SPRTN: variants seen among roughly 807,000 people sequenced by gnomAD.
The protein encoded by SPRTN is SprT-like N-terminal domain.
In SPRTN, 11 loss-of-function variants were observed where a neutral mutation model predicts 31.9. That is an observed-to-expected ratio of 0.34 (90% CI 0.22 to 0.57). The LOEUF (loss-of-function observed/expected upper bound fraction) is 0.57, where lower values mean the gene tolerates loss of function less well. Ranked by LOEUF, SPRTN falls within the 20% of genes least tolerant of loss-of-function variation. SPRTN has a pLI of 0.86. For synonymous variants in SPRTN, 185 were observed against 212.1 expected, an observed-to-expected ratio of 0.87 and a Z score of 1.11; for missense variants, 482 against 590.1, an observed-to-expected ratio of 0.82 and a Z score of 1.90.
At position 231,338,390 on chromosome 1, in the gene SPRTN, G is replaced by C. The variant is rs1686753223; in HGVS notation, c.7G>C (p.Asp3His). Residue 3 changes from aspartate to histidine, a missense_variant, in exon 1 of 5, where the codon GAT (aspartate) becomes CAT (histidine). Physicochemically the swap from Asp to His is moderately conservative, Grantham distance 81 (BLOSUM62 -1). This residue lies in a region of SPRTN where 157 missense variants were observed against 239.9 expected (regional missense o/e 0.65). Coordinates refer to ENST00000295050, the MANE Select transcript of SPRTN (RefSeq NM_032018.7). ...GCCTGTGATCCTGGCAACGATGGATGATGACTTGATGTTGGCACTGCGGCT... is the reference window on the plus strand; with the variant it reads ...GCCTGTGATCCTGGCAACGATGGATCATGACTTGATGTTGGCACTGCGGCT... MD[D>H]DLMLALRLQE... The C allele has an allele frequency of 6.2e-7, 1 of 1,614,098 alleles. No individual in the cohort carries two copies. Among genetic ancestry groups the C allele is most frequent in the Non-Finnish European group, 8.5e-7 (1 of 1,179,938 alleles).
In SPRTN at chr1:231,351,605, G is replaced by T; in HGVS notation, c.718+34G>T. On this transcript the variant is annotated intron_variant, in intron 4 of 4. Transcript: ENST00000295050. ...GTGTATATTCTTCTGATTTTTATGT[G>T]ACCATAGCTATGATGTAAAGACAAT... The T allele has an allele frequency of 3.1e-6, 5 of 1,607,120 alleles. No individual in the cohort carries two copies. In the South Asian group the frequency reaches 5.6e-5, roughly 18 times the overall value.
In SPRTN at chr1:231,347,839, A is replaced by G. The variant is rs1203921124; in HGVS notation, c.364A>G (p.Asn122Asp). ...GATACATGCCTATTTATTTGTCACT[A>G]ATAACGACAAAGACCGAGAAGGGCA... ...EMIHAYLFVTNNDKDREGHGP... is the reference protein window; with the variant it reads ...EMIHAYLFVTDNDKDREGHGP... Residue 122 changes from asparagine (N) to aspartate (D), a missense_variant, in exon 3 of 5, where the codon AAT becomes GAT. Physicochemically the swap from Asn to Asp is conservative, Grantham distance 23. This residue lies in a region of SPRTN where 157 missense variants were observed against 239.9 expected (regional missense o/e 0.65). Transcript: ENST00000295050. The G allele has an allele frequency of 1.2e-6, 2 of 1,613,684 alleles. No homozygotes were observed. The highest frequency in any genetic ancestry group is 1.7e-6 in the Non-Finnish European group (2 of 1,179,978).
Position 231,353,647 on chromosome 1 carries a change from A to G in SPRTN, c.*286A>G. On this transcript the variant is annotated 3_prime_UTR_variant, in exon 5 of 5. Coordinates refer to ENST00000295050, the MANE Select transcript of SPRTN (RefSeq NM_032018.7). Reference sequence around the variant, plus strand: ...GTTCTTTCTTGCTCTTAAGGATTTTAAAAACCTGTTAATCTTTTTATTTGT... The same window carrying G: ...GTTCTTTCTTGCTCTTAAGGATTTTGAAAACCTGTTAATCTTTTTATTTGT... 2 of 1,059,228 alleles carry G rather than the reference A, an allele frequency of 1.9e-6. No individual in the cohort carries two copies. Among genetic ancestry groups the G allele is most frequent in the Non-Finnish European group, 2.3e-6 (2 of 875,636 alleles). 65.6% of individuals were successfully genotyped at this position (1,059,228 alleles called of 1,614,324 possible). A position where few individuals can be genotyped will look rare whatever the true frequency, so the allele number is the denominator to read the frequency against.
chr1:231,351,633 T>G, intron 4 of SPRTN, 62 bp downstream of exon 4: 1 of 1,572,930 alleles, frequency 6.4e-7, no homozygotes, highest in East Asian at 2.2e-5. Context: ...AAGACAATAC[T>G]GTCCTTCAGA....
In SPRTN at chr1:231,354,276, C is replaced by A; in HGVS notation, c.*915C>A. On this transcript the variant is annotated 3_prime_UTR_variant, in exon 5 of 5. Transcript: ENST00000295050. ...TAATCTTTTTTAAAAAAAATATTTT[C>A]CATGTTATAGGGAAAGGACAAAGAG... is the stretch of plus-strand genomic sequence containing the variant. The A allele has an allele frequency of 1.0e-6, 1 of 977,168 alleles. No individual in the cohort carries two copies. Among genetic ancestry groups the A allele is most frequent in the Non-Finnish European group, 1.2e-6 (1 of 822,378 alleles). 60.5% of individuals were successfully genotyped at this position (977,168 alleles called of 1,614,324 possible).
chr1:231,345,448 C>T (rs937251902), intron 2 of SPRTN, among the ~76,000 whole-genome samples: 9 of 152,140 alleles, frequency 5.9e-5, no homozygotes, highest in Non-Finnish European at 1.2e-4. Context: ...TTCATTAATA[C>T]GCTCTATAGC....
intron 4 of SPRTN, chr1:231,351,896 G>C: frequency 2.0e-6 from 2 of 1,025,162 alleles, no homozygotes; most frequent in Non-Finnish European, 2.3e-6. Flanking sequence ...TCCCTATCTT[G>C]ACTCACTGAG....
At chr1:231,339,598 G>T (rs1344092221) in intron 1 of SPRTN, 171 bp from the exon 2 acceptor site, 4 of 794,526 alleles carry the variant, frequency 5.0e-6, no homozygotes, top group Non-Finnish European at 8.5e-6. Flanking sequence ...GGAGGCGCCC[G>T]CGGGGGTTGT....
At chr1:231,339,545 C>T in intron 1 of SPRTN, 1 of 733,646 alleles carries the variant, frequency 1.4e-6, no homozygotes, top group Non-Finnish European at 2.4e-6. Context: ...GGTGAGAGCA[C>T]GCTGCTTTCC....
chr1:231,354,684 T>G lies in SPRTN; in HGVS notation c.*1323T>G, dbSNP rs1687340799. ...AGTTCATTTTCATTGCTCTTGCATTTGTATGAATATACTAGAATTTATTCA... is the reference window on the plus strand; with the variant it reads ...AGTTCATTTTCATTGCTCTTGCATTGGTATGAATATACTAGAATTTATTCA... On this transcript the variant is annotated 3_prime_UTR_variant, in exon 5 of 5. Transcript: ENST00000295050. 1 of 152,482 alleles carries G rather than the reference T, an allele frequency of 6.6e-6. No individual in the cohort carries two copies. The highest frequency in any genetic ancestry group is 1.9e-4 in the East Asian group (1 of 5,204). The allele number at this position is 152,482 out of a possible 1,614,324, so 9.4% of individuals were successfully genotyped here.
Position 231,347,847 on chromosome 1 carries a change from C to A in SPRTN, c.372C>A (p.Asp124Glu). Reference sequence around the variant, plus strand: ...CCTATTTATTTGTCACTAATAACGACAAAGACCGAGAAGGGCATGGTCCAG... The same window carrying A: ...CCTATTTATTTGTCACTAATAACGAAAAAGACCGAGAAGGGCATGGTCCAG... ...IHAYLFVTNN[D>E]KDREGHGPEF... Residue 124 changes from aspartate (D) to glutamate (E), a missense_variant, in exon 3 of 5, where the codon GAC becomes GAA. Transcript: ENST00000295050. The A allele has an allele frequency of 6.2e-7, 1 of 1,613,816 alleles. No individual in the cohort carries two copies. The highest frequency in any genetic ancestry group is 1.7e-5 in the Admixed American group (1 of 59,952).
In SPRTN at chr1:231,339,805, A is replaced by G; in HGVS notation, c.258A>G (p.Gly86=). ...AGICSYEGKG[G]MCSIRLSEPL... ...TATGCAGCTATGAAGGGAAGGGTGGAATGTGTTCCATCCGTCTCAGCGAAC... is the reference window on the plus strand; with the variant it reads ...TATGCAGCTATGAAGGGAAGGGTGGGATGTGTTCCATCCGTCTCAGCGAAC... The change falls in exon 2 of 5, where the codon GGA becomes GGG. Residue 86 remains glycine, a synonymous_variant. Transcript: ENST00000295050. 6.2e-7 allele frequency: 1 copy of G among 1,614,124 alleles called. No homozygotes were observed. Among genetic ancestry groups the G allele is most frequent in the South Asian group, 1.1e-5 (1 of 91,090 alleles).
rs1177072624 is a variant in SPRTN at position 231,354,602 on chromosome 1, G to C, written c.*1241G>C. 1.3e-5 allele frequency: 2 copies of C among 155,924 alleles called. No individual in the cohort carries two copies. The highest frequency in any genetic ancestry group is 4.8e-5 in the African/African-American group (2 of 41,516). 9.7% of individuals were successfully genotyped at this position (155,924 alleles called of 1,614,324 possible). On this transcript the variant is annotated 3_prime_UTR_variant, in exon 5 of 5. Coordinates refer to ENST00000295050, the MANE Select transcript of SPRTN (RefSeq NM_032018.7). ...AGGTCCCCACTGTTTTCACCCCATC[G>C]TCGCAGATTATTTTTTAATTTTATA...
In SPRTN at chr1:231,354,243, A is replaced by AT. The variant is rs1687326460; in HGVS notation, c.*886dup. 2 of 975,264 alleles carry AT rather than the reference A, an allele frequency of 2.1e-6. No individual in the cohort carries two copies. Among genetic ancestry groups the AT allele is most frequent in the Non-Finnish European group, 2.4e-6 (2 of 820,810 alleles). 60.4% of individuals were successfully genotyped at this position (975,264 alleles called of 1,614,324 possible). Reference sequence around the variant, plus strand: ...ATAATAAAAGGAATACCATTTGTGCATTTTAAGTAATCTTTTTTAAAAAAA... The same window carrying AT: ...ATAATAAAAGGAATACCATTTGTGCATTTTTAAGTAATCTTTTTTAAAAAAA... On this transcript the variant is annotated 3_prime_UTR_variant, in exon 5 of 5. Transcript: ENST00000295050.
In SPRTN at chr1:231,354,191, T is replaced by G. The variant is rs540008385; in HGVS notation, c.*830T>G. 3.3e-5 allele frequency: 32 copies of G among 983,974 alleles called. No individual in the cohort carries two copies. Among genetic ancestry groups the G allele is most frequent in the Middle Eastern group, 5.2e-4 (1 of 1,912 alleles). The allele number at this position is 983,974 out of a possible 1,614,324, so 61.0% of individuals were successfully genotyped here. On this transcript the variant is annotated 3_prime_UTR_variant, in exon 5 of 5. Transcript: ENST00000295050. ...GGAAAGTTATCTGGAAATAGTATTT[T>G]GAACTTTAAGCCAAGTTTAAAACAT...
At chr1:231,342,475 G>C (rs967540947) in intron 2 of SPRTN, among the ~76,000 whole-genome samples, 1 of 152,004 alleles carries the variant, frequency 6.6e-6, no homozygotes, top group African/African-American at 2.4e-5. Flanking sequence ...TTGTTGCCCA[G>C]GCTGGAGTGC....
chr1:231,348,658 A>G (rs1347697748), intron 3 of SPRTN, among the ~76,000 whole-genome samples: 2 of 152,102 alleles, frequency 1.3e-5, no homozygotes, highest in Non-Finnish European at 1.5e-5. Flanking sequence ...CCTCAGGTGT[A>G]GCTTCCCTGA....
At chr1:231,349,345 A>G (rs1286410267) in intron 3 of SPRTN, among the ~76,000 whole-genome samples, 1 of 152,314 alleles carries the variant, frequency 6.6e-6, no homozygotes, top group East Asian at 1.9e-4. Flanking sequence ...ATTATTAGAC[A>G]CAGTTACTTC....
chr1:231,343,345 C>T (rs573221856), intron 2 of SPRTN, among the ~76,000 whole-genome samples: 59 of 151,712 alleles, frequency 3.9e-4, no homozygotes, highest in African/African-American at 1.4e-3. Flanking sequence ...ATATATATTA[C>T]ATAGGCTATA....
Sources: allele counts gnomAD v4.1 joint callset (sites outside exome capture counted in the v4.1 genomes callset), GRCh38; gene constraint gnomAD v4.1.1; regional missense constraint gnomAD v4.1.1; transcripts MANE v1.5; gene names NCBI Gene and HGNC (gene_info 2026-07-23, HGNC 2026-07-21).